The following XCR1 variants were observed in gnomAD, a reference collection of about 807,000 sequenced individuals.
The protein encoded by XCR1 is X-C motif chemokine receptor 1.
For synonymous variants in XCR1, 187 were observed against 188.5 expected, an observed-to-expected ratio of 0.99 and a Z score of 0.06; for missense variants, 356 against 424.2, an observed-to-expected ratio of 0.84 and a Z score of 1.41.
Position 46,018,550 on chromosome 3 carries a change from G to A in XCR1, c.*2396C>T, listed in dbSNP as rs997062688. The A allele has an allele frequency of 2.0e-5, 3 of 152,232 alleles. No individual in the cohort carries two copies. The highest frequency in any genetic ancestry group is 4.8e-5 in the African/African-American group (2 of 41,434). 9.4% of individuals were successfully genotyped at this position (152,232 alleles called of 1,614,324 possible). ...ATGCTGTTTCTCCCATCGGTGGTGAGTAGTGGCCCCACCTGTAGGCTGGCA... is the reference window on the plus strand; with the variant it reads ...ATGCTGTTTCTCCCATCGGTGGTGAATAGTGGCCCCACCTGTAGGCTGGCA... On this transcript the variant is annotated 3_prime_UTR_variant, in exon 2 of 2. Transcript: ENST00000309285.
chr3:46,041,665 T>C (rs980889467), intron 5 of XCR1, among the ~76,000 whole-genome samples: 10 of 152,186 alleles, frequency 6.6e-5, no homozygotes, highest in Non-Finnish European at 1.3e-4. Flanking sequence ...TGGATAAACA[T>C]AGAAATTGAT....
intron 1 of XCR1, among the ~76,000 whole-genome samples, chr3:46,084,688 A>G (rs1698439288): frequency 6.6e-6 from 1 of 152,236 alleles, no homozygotes; most frequent in Non-Finnish European, 1.5e-5. Flanking sequence ...GAATTAATGC[A>G]GGAAAAGAAA....
intron 3 of XCR1, among the ~76,000 whole-genome samples, chr3:46,072,930 T>A (rs1358388104): frequency 6.6e-6 from 1 of 152,072 alleles, no homozygotes; most frequent in Non-Finnish European, 1.5e-5. Context: ...GACATATAGA[T>A]CAGTATGACA....
chr3:46,069,815 C>A (rs779442921), intron 3 of XCR1, among the ~76,000 whole-genome samples: 1 of 151,172 alleles, frequency 6.6e-6, no homozygotes, highest in Non-Finnish European at 1.5e-5. Context: ...CTGCTCTCAT[C>A]TTTATTTCTT....
intron 3 of XCR1, among the ~76,000 whole-genome samples, chr3:46,071,884 C>T (rs1698170599): frequency 6.6e-6 from 1 of 152,022 alleles, no homozygotes; most frequent in African/African-American, 2.4e-5. Context: ...GAAAGCATTC[C>T]CTCCAAGAAC....
chr3:46,078,908 G>A (rs1491959), intron 1 of XCR1, among the ~76,000 whole-genome samples: 76,576 of 151,902 alleles, frequency 0.5, 23,089 homozygotes, highest in African/African-American at 0.85. Context: ...CCACAAGAAC[G>A]TTTTTTAGGG....
At chr3:46,071,200 C>G (rs1040648763) in intron 3 of XCR1, among the ~76,000 whole-genome samples, 5 of 151,944 alleles carry the variant, frequency 3.3e-5, no homozygotes, top group Non-Finnish European at 5.9e-5. Flanking sequence ...AATATACAGC[C>G]TACTGATATT....
rs1159317210 is a variant in XCR1, at chr3:46,021,201, C to T, written c.747G>A (p.Thr249=). The T allele has an allele frequency of 9.9e-6, 16 of 1,614,110 alleles. No individual in the cohort carries two copies. The highest frequency in any genetic ancestry group is 6.7e-5 in the African/African-American group (5 of 74,944). ...TCCGGATGATCTGGGTCCGAAACAG[C>T]GTCTGCAGAAACAGGGTGAAGTTGT... ...GPYNFTLFLQ[T]LFRTQIIRSC... The change falls in exon 2 of 2, where the codon ACG becomes ACA. Residue 249 remains threonine, a synonymous_variant. Coordinates refer to ENST00000309285, the MANE Select transcript of XCR1 (RefSeq NM_001024644.2). The surrounding 1 kb of genome is among the most constrained non-coding windows in gnomAD (Gnocchi z 4.7).
intron 1 of XCR1, among the ~76,000 whole-genome samples, chr3:46,082,087 C>T (rs912027040): frequency 2.6e-5 from 4 of 152,140 alleles, no homozygotes; most frequent in African/African-American, 7.2e-5. Flanking sequence ...TCATATTTCT[C>T]ATTTTAAAAA....
Position 46,037,930 on chromosome 3 carries a change from T to A in XCR1, c.-31-15952A>T, listed in dbSNP as rs547681796. Among the ~76,000 whole-genome samples, 4 of 152,280 alleles carry A rather than the reference T, an allele frequency of 2.6e-5. No homozygotes were observed. In the East Asian group the frequency reaches 7.7e-4, roughly 29 times the overall value. On this transcript the variant is annotated intron_variant, in intron 5 of 5. Transcript: ENST00000683768. ...GTACGGGTCATGTACCTAGATGAAT[T>A]TCTTAATTTCAAAAAATGTATAGTG...
intron 3 of XCR1, among the ~76,000 whole-genome samples, chr3:46,074,438 G>A (rs757427472): frequency 6.6e-6 from 1 of 151,918 alleles, no homozygotes; most frequent in African/African-American, 2.4e-5. Context: ...ATAGAATGTG[G>A]AGTAATACAC....
upstream of XCR1, among the ~76,000 whole-genome samples, chr3:46,029,734 C>T (rs1344508857): frequency 1.3e-5 from 2 of 152,180 alleles, no homozygotes; most frequent in South Asian, 2.1e-4. Context: ...GAAATTGCAT[C>T]GAATTTGTAG....
At chr3:46,053,481 T>A (rs1385581444) in intron 5 of XCR1, among the ~76,000 whole-genome samples, 8 of 152,188 alleles carry the variant, frequency 5.3e-5, no homozygotes, top group South Asian at 2.1e-4. Flanking sequence ...CTCTCCTGTT[T>A]TTTATTTTCA....
intron 1 of XCR1, among the ~76,000 whole-genome samples, chr3:46,078,351 T>C (rs1434733140): frequency 6.6e-6 from 1 of 152,222 alleles, no homozygotes; most frequent in East Asian, 1.9e-4. Context: ...GAACCTCTTG[T>C]ATTCTGACTT....
intron 4 of XCR1, among the ~76,000 whole-genome samples, chr3:46,060,254 G>T (rs1475069367): frequency 3.3e-5 from 5 of 152,126 alleles, no homozygotes; most frequent in Non-Finnish European, 1.5e-5. Context: ...GCTTGCCATG[G>T]TTCTTTGCTT....
intron 1 of XCR1, 72 bp from the exon 2 acceptor site, chr3:46,022,050 G>A: frequency 7.3e-7 from 1 of 1,377,414 alleles, no homozygotes; most frequent in Admixed American, 2.4e-5. Context: ...TGTAATCCTA[G>A]CACTTTGGAA....
chr3:46,039,071 T>C (rs1411652151), intron 5 of XCR1, among the ~76,000 whole-genome samples: 1 of 148,318 alleles, frequency 6.7e-6, no homozygotes, highest in Non-Finnish European at 1.5e-5. Flanking sequence ...AAACAACATA[T>C]GTGCAAGTGT....
chr3:46,051,435 G>C (rs1697741464), intron 5 of XCR1, among the ~76,000 whole-genome samples: 1 of 152,186 alleles, frequency 6.6e-6, no homozygotes, highest in Non-Finnish European at 1.5e-5. Context: ...CTCCCACTAA[G>C]GACGTAGAAG....
At chr3:46,022,202 G>C (rs981629803) in intron 1 of XCR1, 6 of 394,514 alleles carry the variant, frequency 1.5e-5, no homozygotes, top group Admixed American at 4.2e-5. Flanking sequence ...TCAGGAAACC[G>C]GGGGGTGGGG....
Sources: gnomAD v4.1 joint callset for allele counts (sites outside exome capture counted in the v4.1 genomes callset) on GRCh38, gnomAD v4.1.1 for gene constraint, Gnocchi (gnomAD v3.1) non-coding constraint, MANE v1.5 for transcripts, NCBI Gene and HGNC (gene_info 2026-07-23, HGNC 2026-07-21) for gene names.